Variants in TMEM161B observed in about 807,000 individuals in gnomAD.
The protein encoded by TMEM161B is transmembrane protein 161B.
A neutral mutation model predicts 61.8 loss-of-function variants in TMEM161B; 34 were observed. That is an observed-to-expected ratio of 0.55 (90% CI 0.42 to 0.73). The LOEUF is 0.73. Among genes scored for constraint, TMEM161B ranks in the 30% least tolerant of loss-of-function variants. The pLI, the probability that TMEM161B is intolerant of heterozygous loss-of-function variation, is 0.00. For missense variants in TMEM161B, 456 were observed against 558.5 expected, an observed-to-expected ratio of 0.82 and a Z score of 1.85; for synonymous variants, 167 against 192.8, an observed-to-expected ratio of 0.87 and a Z score of 1.11.
exon 13 of TMEM161B, chr5:88,189,794 G>C: frequency 2.4e-6 from 1 of 419,500 alleles, no homozygotes; most frequent in Non-Finnish European, 4.4e-6. Flanking sequence ...TTTTAGAAGG[G>C]GTACATCTAA....
intron 5 of TMEM161B, among the ~76,000 whole-genome samples, chr5:88,208,372 C>A (rs888022921): frequency 1.3e-5 from 2 of 152,210 alleles, no homozygotes; most frequent in Non-Finnish European, 2.9e-5. Flanking sequence ...GTCATAGCTA[C>A]TAGGGAGGCT....
At chr5:88,230,846 G>T (rs1750868943) in intron 2 of TMEM161B, among the ~76,000 whole-genome samples, 1 of 152,072 alleles carries the variant, frequency 6.6e-6, no homozygotes, top group Non-Finnish European at 1.5e-5. Context: ...AATGAGGTAG[G>T]TCAAGGTGGG....
At chr5:88,261,773 A>G (rs1755729427) in intron 1 of TMEM161B, among the ~76,000 whole-genome samples, 1 of 150,348 alleles carries the variant, frequency 6.7e-6, no homozygotes. Flanking sequence ...CACACCTTAC[A>G]CTCTTCACAA....
In TMEM161B at chr5:88,189,936, T is replaced by C. The variant is rs1285674204; in HGVS notation, c.*116A>G. On this transcript the variant is annotated 3_prime_UTR_variant, in exon 13 of 13. Transcript: ENST00000514135. ...GGAACTCTGAGGCCAGTAGGCAGCA[T>C]GCAGTTTCCATGTGATCCCCAGTAC... 7.9e-6 allele frequency: 5 copies of C among 630,050 alleles called. No homozygotes were observed. The Admixed American group carries it at 1.2e-4, about 15-fold the overall frequency. 39.0% of individuals were successfully genotyped at this position (630,050 alleles called of 1,614,324 possible).
chr5:88,188,829 G>C (rs549301071), downstream of TMEM161B, among the ~76,000 whole-genome samples: 16 of 152,332 alleles, frequency 1.1e-4, no homozygotes, highest in South Asian at 1.7e-3. Context: ...TTAGAGTTGG[G>C]GGGGGTGGTT....
intron 8 of TMEM161B, 141 bp downstream of exon 8, chr5:88,205,673 A>G: frequency 1.1e-6 from 1 of 904,324 alleles, no homozygotes; most frequent in Non-Finnish European, 1.6e-6. Flanking sequence ...ACTTGCTTAT[A>G]GTTGAAAGAG....
At chr5:88,245,620 A>G (rs1753495620) in intron 1 of TMEM161B, among the ~76,000 whole-genome samples, 1 of 152,000 alleles carries the variant, frequency 6.6e-6, no homozygotes. Context: ...CCTTAACAGC[A>G]AAAATTATGT....
intron 2 of TMEM161B, among the ~76,000 whole-genome samples, chr5:88,230,186 A>AAAAAC (rs1387637504): frequency 6.6e-6 from 1 of 152,108 alleles, no homozygotes; most frequent in African/African-American, 2.4e-5. Flanking sequence ...ACCCTATCTC[A>AAAAAC]AAAACAAAAC....
At chr5:88,252,078 T>A (rs1174969464) in intron 1 of TMEM161B, among the ~76,000 whole-genome samples, 2 of 152,156 alleles carry the variant, frequency 1.3e-5, no homozygotes, top group Non-Finnish European at 2.9e-5. Context: ...AATTGCACGG[T>A]ACTATGAATA....
intron 1 of TMEM161B, among the ~76,000 whole-genome samples, chr5:88,254,300 A>T (rs1754698902): frequency 6.6e-6 from 1 of 152,204 alleles, no homozygotes; most frequent in Non-Finnish European, 1.5e-5. Flanking sequence ...CCTACCTTCC[A>T]GTAGATAGAG....
intron 4 of TMEM161B, among the ~76,000 whole-genome samples, chr5:88,225,558 G>A (rs1324913529): frequency 1.3e-5 from 2 of 152,172 alleles, no homozygotes; most frequent in Non-Finnish European, 2.9e-5. Context: ...TAATAAATTT[G>A]TGTAAGTTAG....
chr5:88,218,370 G>A (rs1748298915), intron 5 of TMEM161B, among the ~76,000 whole-genome samples: 1 of 152,122 alleles, frequency 6.6e-6, no homozygotes, highest in Non-Finnish European at 1.5e-5. Context: ...GACTGGTAAA[G>A]TCCCAACACA....
chr5:88,264,944 G>A (rs1042979410), intron 1 of TMEM161B, among the ~76,000 whole-genome samples: 3 of 151,612 alleles, frequency 2.0e-5, no homozygotes, highest in Non-Finnish European at 2.9e-5. Context: ...GGGGTGGGGG[G>A]CAAGGGGAGG....
At chr5:88,238,000 A>G (rs1190847471) in intron 2 of TMEM161B, among the ~76,000 whole-genome samples, 2 of 152,108 alleles carry the variant, frequency 1.3e-5, no homozygotes, top group Admixed American at 6.6e-5. Context: ...AATGCCCCCA[A>G]CACCCCTTCC....
At chr5:88,225,127 C>T (rs935384453) in intron 4 of TMEM161B, among the ~76,000 whole-genome samples, 5 of 151,988 alleles carry the variant, frequency 3.3e-5, no homozygotes, top group African/African-American at 1.2e-4. Context: ...GCCACCACGC[C>T]TGGCTAATTT....
At chr5:88,194,933 T>A (rs1481922501), downstream of TMEM161B, 1 of 158,050 alleles carries the variant, frequency 6.3e-6, no homozygotes, top group East Asian at 1.9e-4. Context: ...TCAAAAAGAG[T>A]TTTACTTTTT....
chr5:88,259,054 T>C (rs1755355281), intron 1 of TMEM161B, among the ~76,000 whole-genome samples: 1 of 152,204 alleles, frequency 6.6e-6, no homozygotes, highest in Non-Finnish European at 1.5e-5. Context: ...TCCTTCTTCA[T>C]AAGCCACTTC....
At chr5:88,266,568 T>A (rs536165209) in intron 1 of TMEM161B, among the ~76,000 whole-genome samples, 5 of 152,298 alleles carry the variant, frequency 3.3e-5, no homozygotes, top group African/African-American at 9.6e-5. Context: ...GGAACTCTTA[T>A]CAAAATTGAG....
chr5:88,230,611 A>G (rs929492332), intron 2 of TMEM161B, among the ~76,000 whole-genome samples: 3 of 151,988 alleles, frequency 2.0e-5, no homozygotes, highest in Non-Finnish European at 4.4e-5. Context: ...ACTAAGTGAC[A>G]TTTTCTTCCT....
Sources: allele counts gnomAD v4.1 joint callset (sites outside exome capture counted in the v4.1 genomes callset), GRCh38; gene constraint gnomAD v4.1.1; transcripts MANE v1.5; gene names NCBI Gene and HGNC (gene_info 2026-07-23, HGNC 2026-07-21).